Variants in EXOC4 observed in about 807,000 individuals in gnomAD.
EXOC4 encodes exocyst complex component 4.
Under a neutral mutation model 107.2 loss-of-function variants are expected in EXOC4, and 71 were observed. That is an observed-to-expected ratio of 0.66 (90% confidence interval 0.55 to 0.81). The LOEUF (loss-of-function observed/expected upper bound fraction) is 0.81. Among genes scored for constraint, EXOC4 ranks in the 30% least tolerant of loss-of-function variants. The pLI, the probability that EXOC4 is intolerant of heterozygous loss-of-function variation, is 0.00. For synonymous variants in EXOC4, 456 were observed against 441.2 expected, an observed-to-expected ratio of 1.03 and a Z score of -0.42; for missense variants, 1,108 against 1,189.6, an observed-to-expected ratio of 0.93 and a Z score of 1.01.
chr7:133,958,231 A>C (rs1800861851), intron 14 of EXOC4, among the ~76,000 whole-genome samples: 1 of 149,872 alleles, frequency 6.7e-6, no homozygotes. Flanking sequence ...TGAATCAACC[A>C]TTTTTCTTAT....
At chr7:133,948,643 A>G (rs768485250) in intron 14 of EXOC4, among the ~76,000 whole-genome samples, 2 of 152,304 alleles carry the variant, frequency 1.3e-5, no homozygotes, top group Non-Finnish European at 2.9e-5. Context: ...AATAGACTCA[A>G]CATTCAGATT....
intron 6 of EXOC4, among the ~76,000 whole-genome samples, chr7:133,368,271 C>T (rs538315221): frequency 1.3e-5 from 2 of 152,270 alleles, no homozygotes; most frequent in Admixed American, 6.5e-5. Context: ...TTGGTTCTTA[C>T]TCTGTGGATT....
chr7:133,590,794 T>C (rs1376896494), intron 9 of EXOC4, among the ~76,000 whole-genome samples: 1 of 152,176 alleles, frequency 6.6e-6, no homozygotes, highest in Admixed American at 6.5e-5. Context: ...CTTCAATTCA[T>C]TCCTGTGACT....
chr7:133,495,559 G>A (rs912732880), intron 9 of EXOC4, among the ~76,000 whole-genome samples: 1 of 151,892 alleles, frequency 6.6e-6, no homozygotes, highest in Non-Finnish European at 1.5e-5. Flanking sequence ...CTATCTCTTA[G>A]TTTTACCTAT....
chr7:133,948,343 A>G (rs546471632), intron 14 of EXOC4, among the ~76,000 whole-genome samples: 1 of 152,128 alleles, frequency 6.6e-6, no homozygotes, highest in Non-Finnish European at 1.5e-5. Flanking sequence ...CTTGAAACTA[A>G]GTTTAGATCT....
chr7:133,661,656 C>T, intron 10 of EXOC4, among the ~76,000 whole-genome samples: 4 of 109,512 alleles, frequency 3.7e-5, no homozygotes, highest in African/African-American at 3.6e-5. Context: ...CTGTTAAATT[C>T]TCCACTCCTT....
At chr7:133,675,388 T>C (rs1466216627) in intron 10 of EXOC4, among the ~76,000 whole-genome samples, 1 of 152,222 alleles carries the variant, frequency 6.6e-6, no homozygotes, top group Non-Finnish European at 1.5e-5. Context: ...GTATGCCTGA[T>C]TATATTCTAA....
At chr7:133,335,383 C>T (rs10228452) in intron 5 of EXOC4, among the ~76,000 whole-genome samples, 157 of 152,256 alleles carry the variant, frequency 1.0e-3, no homozygotes, top group African/African-American at 3.6e-3. Flanking sequence ...CAACCCCTGG[C>T]GGCCCCCATT....
chr7:133,707,105 A>G (rs62471411), intron 10 of EXOC4, among the ~76,000 whole-genome samples: 14,662 of 152,184 alleles, frequency 0.096, 787 homozygotes, highest in Middle Eastern at 0.16. Context: ...AAGAAAACCA[A>G]TATAAAATTG....
At chr7:133,459,648 T>G (rs1798543739) in intron 7 of EXOC4, among the ~76,000 whole-genome samples, 1 of 152,172 alleles carries the variant, frequency 6.6e-6, no homozygotes, top group Admixed American at 6.5e-5. Flanking sequence ...AAAGACAGGA[T>G]CTTATCGGAT....
At chr7:133,473,580 A>G (rs185616665) in intron 7 of EXOC4, among the ~76,000 whole-genome samples, 15 of 152,240 alleles carry the variant, frequency 9.9e-5, no homozygotes, top group African/African-American at 2.4e-4. Context: ...TGGTATTGGT[A>G]TAGCAAATCC....
intron 7 of EXOC4, among the ~76,000 whole-genome samples, chr7:133,405,541 T>C (rs1797197352): frequency 6.6e-6 from 1 of 152,200 alleles, no homozygotes; most frequent in Non-Finnish European, 1.5e-5. Context: ...ATTTGGATTA[T>C]AATTTAGGGC....
intron 11 of EXOC4, among the ~76,000 whole-genome samples, chr7:133,828,306 A>T (rs539095049): frequency 6.6e-6 from 1 of 152,236 alleles, no homozygotes; most frequent in East Asian, 1.9e-4. Context: ...CCATTGAAAG[A>T]TACTGGGAAG....
chr7:133,934,717 G>A (rs982779145), intron 13 of EXOC4, among the ~76,000 whole-genome samples: 1 of 152,106 alleles, frequency 6.6e-6, no homozygotes, highest in Non-Finnish European at 1.5e-5. Flanking sequence ...CAGCTCAGAG[G>A]CATTTTTTGT....
At chr7:133,599,264 G>A (rs1801751865) in intron 9 of EXOC4, among the ~76,000 whole-genome samples, 1 of 152,120 alleles carries the variant, frequency 6.6e-6, no homozygotes, top group Admixed American at 6.5e-5. Flanking sequence ...CTTAATAGAG[G>A]ACATGACTCT....
chr7:133,720,729 A>T (rs185841363), intron 10 of EXOC4, among the ~76,000 whole-genome samples: 1 of 152,194 alleles, frequency 6.6e-6, no homozygotes, highest in Non-Finnish European at 1.5e-5. Context: ...TTTAGCAAAC[A>T]ATAATATTTC....
chr7:133,379,235 C>T (rs1246648603), intron 7 of EXOC4, among the ~76,000 whole-genome samples: 2 of 151,998 alleles, frequency 1.3e-5, no homozygotes, highest in Non-Finnish European at 2.9e-5. Context: ...CAGTAATGTT[C>T]TATATAGCAG....
chr7:133,757,869 A>C lies in EXOC4; in HGVS notation c.1515-59456A>C, dbSNP rs183277560. 2.0e-3 allele frequency among the ~76,000 whole-genome samples: 307 copies of C among 152,342 alleles called. 1 individual carries two copies. The highest frequency in any genetic ancestry group is 7.1e-3 in the African/African-American group (294 of 41,576). ...TCATTTTTAAACAGATAAGGAGACTATCTTAAAATTTTTAACACAATTTGC... is the reference window on the plus strand; with the variant it reads ...TCATTTTTAAACAGATAAGGAGACTCTCTTAAAATTTTTAACACAATTTGC... On this transcript the variant is annotated intron_variant, in intron 10 of 17. Coordinates refer to ENST00000253861, the MANE Select transcript of EXOC4 (RefSeq NM_021807.4).
intron 14 of EXOC4, among the ~76,000 whole-genome samples, chr7:133,947,390 C>G (rs1030930851): frequency 6.6e-6 from 1 of 152,186 alleles, no homozygotes; most frequent in African/African-American, 2.4e-5. Flanking sequence ...TAAATCATGG[C>G]TCTCACTCAC....
Sources: allele counts gnomAD v4.1 joint callset (sites outside exome capture counted in the v4.1 genomes callset), GRCh38; gene constraint gnomAD v4.1.1; transcripts MANE v1.5; gene names NCBI Gene and HGNC (gene_info 2026-07-23, HGNC 2026-07-21).